EPHB1: variants seen among roughly 807,000 people sequenced by gnomAD.
EPHB1 encodes the protein ephrin type-B receptor 1.
EPHB1 carries 30 observed loss-of-function variants against 94.4 expected under a neutral mutation model. That is an observed-to-expected ratio of 0.32 (90% confidence interval 0.24 to 0.43). The LOEUF (loss-of-function observed/expected upper bound fraction) is 0.43. Among genes scored for constraint, EPHB1 ranks in the 20% least tolerant of loss-of-function variants. EPHB1 has a pLI of 1.00. For missense variants in EPHB1, 1,055 were observed against 1,308.3 expected, an observed-to-expected ratio of 0.81 and a Z score of 2.99; for synonymous variants, 522 against 489.1, an observed-to-expected ratio of 1.07 and a Z score of -0.89.
chr3:134,924,755 A>G (rs941707324), intron 1 of EPHB1, among the ~76,000 whole-genome samples: 6 of 152,246 alleles, frequency 3.9e-5, no homozygotes, highest in African/African-American at 1.2e-4. Context: ...CAACAACATG[A>G]ATAATTCTTA....
Position 134,795,416 on chromosome 3 carries a change from C to A in EPHB1, c.-216C>A. On this transcript the variant is annotated 5_prime_UTR_variant, in exon 1 of 16. Transcript: ENST00000398015. ...CCCACCTCTCCCATAAACACACACA[C>A]ACACATGCACACCCACACCCACGCG... 1.8e-6 allele frequency: 1 copy of A among 557,794 alleles called. No homozygotes were observed. Among genetic ancestry groups the A allele is most frequent in the East Asian group, 3.3e-5 (1 of 30,414 alleles). The allele number at this position is 557,794 out of a possible 1,614,324, so 34.6% of individuals were successfully genotyped here.
intron 1 of EPHB1, among the ~76,000 whole-genome samples, chr3:134,810,328 AGACAGACAGT>A (rs1157244460): frequency 7.0e-6 from 1 of 143,146 alleles, no homozygotes; most frequent in African/African-American, 2.6e-5. Flanking sequence ...CAGATGATGT[AGACAGACAGT>A]GACACTGGAC....
chr3:135,171,204 A>G (rs1157465059), intron 9 of EPHB1, among the ~76,000 whole-genome samples: 1 of 152,222 alleles, frequency 6.6e-6, no homozygotes, highest in Admixed American at 6.5e-5. Flanking sequence ...CTAATTTACC[A>G]GGGTTATACC....
chr3:135,136,198 A>G lies in EPHB1; in HGVS notation c.1297+3149A>G, dbSNP rs143304699. ...TTGATTCCAAGAGCTGTGATCTAAG[A>G]AGAGACCTTGGAGATTTTTGCTATC... On this transcript the variant is annotated intron_variant, in intron 5 of 15. Transcript: ENST00000398015. Among the ~76,000 whole-genome samples the G allele has an allele frequency of 2.3e-3, 353 of 152,282 alleles. 1 individual carries two copies. Among genetic ancestry groups the G allele is most frequent in the Non-Finnish European group, 4.1e-3 (279 of 68,026 alleles).
intron 12 of EPHB1, among the ~76,000 whole-genome samples, chr3:135,228,906 T>G (rs1943466010): frequency 1.3e-5 from 2 of 152,146 alleles, no homozygotes; most frequent in Non-Finnish European, 2.9e-5. Context: ...TCATCCAATA[T>G]GAGGAAAAGG....
Position 135,191,188 on chromosome 3 carries a change from A to G in EPHB1, c.1883-1388A>G, listed in dbSNP as rs113102325. ...GGAAGGAAAAAGAACAGCCCCCCCA[A>G]AACACATAGTGTTGTAAATGATATT... On this transcript the variant is annotated intron_variant, in intron 10 of 15. Coordinates refer to ENST00000398015, the MANE Select transcript of EPHB1 (RefSeq NM_004441.5). Among the ~76,000 whole-genome samples, 175 of 152,286 alleles carry G rather than the reference A, an allele frequency of 1.1e-3. 1 individual carries two copies. The highest frequency in any genetic ancestry group is 4.2e-3 in the African/African-American group (173 of 41,570).
intron 15 of EPHB1, among the ~76,000 whole-genome samples, chr3:135,256,892 A>G (rs534263472): frequency 6.7e-6 from 1 of 148,312 alleles, no homozygotes; most frequent in Admixed American, 6.7e-5. Context: ...ATAGTCCCAT[A>G]TTTCTTGGAG....
At chr3:135,052,890 A>AAAAAATAT (rs1553726757) in intron 3 of EPHB1, among the ~76,000 whole-genome samples, 32 of 54,574 alleles carry the variant, frequency 5.9e-4, no homozygotes, top group Non-Finnish European at 8.0e-4. Flanking sequence ...AAAAAAAAAA[A>AAAAAATAT]ATATATATAT....
chr3:134,877,790 G>T (rs1190941675), intron 1 of EPHB1, among the ~76,000 whole-genome samples: 2 of 152,120 alleles, frequency 1.3e-5, no homozygotes. Context: ...CGTGGTTTCG[G>T]CCCCATAACC....
intron 7 of EPHB1, 101 bp downstream of exon 7, chr3:135,162,281 CT>C: frequency 7.7e-7 from 1 of 1,305,106 alleles, no homozygotes; most frequent in Non-Finnish European, 1.0e-6. Flanking sequence ...TGATCTCCAA[CT>C]GGATTCCAGT....
chr3:135,144,021 C>T (rs1940922679), intron 5 of EPHB1, among the ~76,000 whole-genome samples: 1 of 152,110 alleles, frequency 6.6e-6, no homozygotes, highest in Non-Finnish European at 1.5e-5. Context: ...TCCCTAAGTG[C>T]ACAAGGGGTC....
chr3:135,245,734 A>T (rs1020635242), intron 13 of EPHB1, among the ~76,000 whole-genome samples: 1 of 134,774 alleles, frequency 7.4e-6, no homozygotes, highest in African/African-American at 2.8e-5. Flanking sequence ...TGAACCCAGG[A>T]GGTGGAGGTT....
At chr3:135,183,247 T>TTCTTC (rs536952678) in intron 10 of EPHB1, among the ~76,000 whole-genome samples, 1 of 91,340 alleles carries the variant, frequency 1.1e-5, no homozygotes, top group Non-Finnish European at 2.1e-5. Context: ...TCCCTCCCTT[T>TTCTTC]CTTCCTTCCT....
intron 10 of EPHB1, among the ~76,000 whole-genome samples, chr3:135,184,683 G>T (rs992974985): frequency 3.9e-5 from 6 of 152,218 alleles, no homozygotes. Flanking sequence ...GGTGGCATGA[G>T]ATCATGAGTC....
chr3:135,244,492 G>C (rs1943873541), intron 13 of EPHB1, among the ~76,000 whole-genome samples: 1 of 152,162 alleles, frequency 6.6e-6, no homozygotes, highest in Admixed American at 6.5e-5. Flanking sequence ...ATTCACTTCT[G>C]TTTTCAACTC....
intron 1 of EPHB1, among the ~76,000 whole-genome samples, chr3:134,916,866 G>A (rs562589242): frequency 9.8e-5 from 15 of 152,350 alleles, no homozygotes; most frequent in Admixed American, 2.0e-4. Context: ...TGCTGAGGCC[G>A]AGGAGGTACC....
Position 135,138,235 on chromosome 3 carries a change from A to C in EPHB1, c.1297+5186A>C, listed in dbSNP as rs199864621. 1.6e-4 allele frequency among the ~76,000 whole-genome samples: 25 copies of C among 152,330 alleles called. No individual in the cohort carries two copies. The East Asian group carries it at 4.6e-3, about 28-fold the overall frequency. ...CCCATTATTTACTTTTCTTTTAAAA[A>C]TGCTGCACTATTTCTGTTAATAGTT... is the stretch of plus-strand genomic sequence containing the variant. On this transcript the variant is annotated intron_variant, in intron 5 of 15. Coordinates refer to ENST00000398015, the MANE Select transcript of EPHB1 (RefSeq NM_004441.5).
intron 1 of EPHB1, among the ~76,000 whole-genome samples, chr3:134,813,830 A>G (rs1377176293): frequency 6.6e-6 from 1 of 152,250 alleles, no homozygotes; most frequent in African/African-American, 2.4e-5. Flanking sequence ...GAGGTGACAC[A>G]TGACAAGGAT....
At chr3:135,006,193 A>G (rs1440703385) in intron 3 of EPHB1, among the ~76,000 whole-genome samples, 1 of 152,214 alleles carries the variant, frequency 6.6e-6, no homozygotes, top group Non-Finnish European at 1.5e-5. Flanking sequence ...CAGCAGTGTA[A>G]GAACGGACTA....
Sources: allele counts gnomAD v4.1 joint callset (sites outside exome capture counted in the v4.1 genomes callset), GRCh38; gene constraint gnomAD v4.1.1; transcripts MANE v1.5; gene names NCBI Gene and HGNC (gene_info 2026-07-23, HGNC 2026-07-21).